ZIM2: variants seen among roughly 807,000 people sequenced by gnomAD.
ZIM2 encodes zinc finger imprinted 2.
Under a neutral mutation model 38.6 loss-of-function variants are expected in ZIM2, and 14 were observed. The ratio of observed to expected loss-of-function variants is 0.36; its 90% CI spans 0.24 to 0.57. The LOEUF is 0.57. Ranked by LOEUF, ZIM2 falls within the 20% of genes least tolerant of loss-of-function variation. The pLI, the probability that ZIM2 is intolerant of heterozygous loss-of-function variation, is 0.81. For synonymous variants in ZIM2, 247 were observed against 245.8 expected (o/e 1.00, Z -0.04); for missense variants, 680 against 695.1 (o/e 0.98, Z 0.24).
chr19:56,780,341 C>A (rs2046266080), intron 11 of ZIM2, among the ~76,000 whole-genome samples: 1 of 150,912 alleles, frequency 6.6e-6, no homozygotes, highest in African/African-American at 2.4e-5. Flanking sequence ...CTCCCAGATG[C>A]AAGTGATTCT....
At position 56,793,530 on chromosome 19, in the gene ZIM2, T is replaced by C. The variant is rs149829616; in HGVS notation, c.491-3579A>G. On this transcript the variant is annotated intron_variant, in intron 9 of 12. Coordinates refer to ENST00000629319, the MANE Select transcript of ZIM2 (RefSeq NM_001387356.1). ...TTACAACTAGCCTGCATAGTTATGA[T>C]TGGACAGTGGAGTGAAGGTGATCTG... Among the ~76,000 whole-genome samples, 26 of 152,290 alleles carry C rather than the reference T, an allele frequency of 1.7e-4. No individual in the cohort carries two copies. In the East Asian group the frequency reaches 4.6e-3, roughly 27 times the overall value.
At chr19:56,782,759 T>C (rs767569243) in intron 10 of ZIM2, among the ~76,000 whole-genome samples, 8 of 152,144 alleles carry the variant, frequency 5.3e-5, no homozygotes, top group Non-Finnish European at 7.3e-5. Context: ...TGTATATACT[T>C]ACGGGGTACA....
chr19:56,821,988 C>T (rs1345612973), intron 6 of ZIM2, among the ~76,000 whole-genome samples: 6 of 152,118 alleles, frequency 3.9e-5, no homozygotes, highest in Non-Finnish European at 7.4e-5. Flanking sequence ...CTCCCAGTCT[C>T]GGAGGTGGTT....
chr19:56,804,679 G>A (rs1316994449), intron 9 of ZIM2, among the ~76,000 whole-genome samples: 1 of 152,178 alleles, frequency 6.6e-6, no homozygotes, highest in East Asian at 1.9e-4. Flanking sequence ...AATGGGACAG[G>A]CAGAGGGTTA....
At chr19:56,802,626 CTGG>C (rs1306657059) in intron 9 of ZIM2, among the ~76,000 whole-genome samples, 3 of 152,190 alleles carry the variant, frequency 2.0e-5, no homozygotes, top group Non-Finnish European at 4.4e-5. Context: ...GTACTCAGTC[CTGG>C]ATCTAAAAGA....
At chr19:56,815,669 G>T (rs778522709) in intron 9 of ZIM2, 2 of 1,614,120 alleles carry the variant, frequency 1.2e-6, no homozygotes, top group South Asian at 2.2e-5. Flanking sequence ...TTTGAGCTGG[G>T]AACAGAGAAT....
At chr19:56,840,399 C>A (rs1415902637) in intron 1 of ZIM2, among the ~76,000 whole-genome samples, 183 bp downstream of exon 1, 1 of 152,200 alleles carries the variant, frequency 6.6e-6, no homozygotes, top group Non-Finnish European at 1.5e-5. Context: ...CGCCACTGTG[C>A]CCACTCTCGG....
intron 9 of ZIM2, chr19:56,815,464 C>T: frequency 6.2e-7 from 1 of 1,614,082 alleles, no homozygotes; most frequent in Non-Finnish European, 8.5e-7. Context: ...GGGCTTCTCC[C>T]TATCATGAAT....
chr19:56,796,698 C>T (rs2047248887), intron 9 of ZIM2, among the ~76,000 whole-genome samples: 1 of 152,136 alleles, frequency 6.6e-6, no homozygotes, highest in Non-Finnish European at 1.5e-5. Flanking sequence ...ACCATATGCC[C>T]AGAATGAGTG....
chr19:56,818,993 C>A (rs2060231902), intron 7 of ZIM2, among the ~76,000 whole-genome samples: 1 of 152,120 alleles, frequency 6.6e-6, no homozygotes, highest in Non-Finnish European at 1.5e-5. Flanking sequence ...GAACAATAAA[C>A]AATAAATCGG....
At chr19:56,804,326 TA>T (rs1428818427) in intron 9 of ZIM2, among the ~76,000 whole-genome samples, 29 of 152,224 alleles carry the variant, frequency 1.9e-4, no homozygotes, top group Non-Finnish European at 3.8e-4. Context: ...GCAAAGGTGC[TA>T]TTAAAGAAAG....
In ZIM2 at chr19:56,779,475, G is replaced by T; in HGVS notation, c.740-3C>A. The T allele has an allele frequency of 6.2e-7, 1 of 1,613,642 alleles. No homozygotes were observed. ...GTCAGGTTTAGAGAACTGGTGCCCT[G>T]TTGGAGAGGAAGACTGAGAACTCAG... On this transcript the variant is annotated splice_region_variant and splice_polypyrimidine_tract_variant and intron_variant, in intron 11 of 12. Transcript: ENST00000629319.
chr19:56,813,918 A>G (rs2059725423), intron 9 of ZIM2: 1 of 1,614,000 alleles, frequency 6.2e-7, no homozygotes, highest in Non-Finnish European at 8.5e-7. Context: ...CTGTGCATTC[A>G]TGGCAGTCAT....
chr19:56,813,144 TTCTC>T, intron 9 of ZIM2: 1 of 983,140 alleles, frequency 1.0e-6, no homozygotes, highest in South Asian at 4.7e-5. Context: ...CAATAAATCT[TTCTC>T]AGGATCTAAG....
chr19:56,780,391 C>A (rs150938671), intron 11 of ZIM2, among the ~76,000 whole-genome samples: 2,503 of 151,854 alleles, frequency 0.016, 82 homozygotes, highest in African/African-American at 0.057. Flanking sequence ...TACAGGCGCC[C>A]GCCACCATAC....
rs115149880 is a variant in ZIM2 at position 56,792,042 on chromosome 19, T to C, written c.491-2091A>G. Among the ~76,000 whole-genome samples, 1,094 of 150,200 alleles carry C rather than the reference T, an allele frequency of 7.3e-3. 15 individuals are homozygous for C. The highest frequency in any genetic ancestry group is 0.025 in the African/African-American group (1,037 of 40,812). ...CCCAGGAGTTTTTTTTTTTTTTTTGTAGTGTGTCTGTCTTGTTTTATGTTG... is the reference window on the plus strand; with the variant it reads ...CCCAGGAGTTTTTTTTTTTTTTTTGCAGTGTGTCTGTCTTGTTTTATGTTG... On this transcript the variant is annotated intron_variant, in intron 9 of 12. Transcript: ENST00000629319.
intron 2 of ZIM2, among the ~76,000 whole-genome samples, chr19:56,826,872 A>C (rs904011889): frequency 6.6e-6 from 1 of 152,214 alleles, no homozygotes. Flanking sequence ...ATCTATACAC[A>C]TATATATGCT....
intron 12 of ZIM2, among the ~76,000 whole-genome samples, chr19:56,778,814 C>T (rs901316620): frequency 2.0e-5 from 3 of 152,086 alleles, no homozygotes; most frequent in Non-Finnish European, 4.4e-5. Flanking sequence ...AGATGGTAAG[C>T]GTTATTAGAC....
At position 56,815,635 on chromosome 19, in the gene ZIM2, C is replaced by T. The variant is rs140722468; in HGVS notation, c.490+2111G>A. 53 of 1,614,108 alleles carry T rather than the reference C, an allele frequency of 3.3e-5. No homozygotes were observed. The highest frequency in any genetic ancestry group is 6.7e-5 in the East Asian group (3 of 44,876). On this transcript the variant is annotated intron_variant, in intron 9 of 12. Coordinates refer to ENST00000629319, the MANE Select transcript of ZIM2 (RefSeq NM_001387356.1). Reference sequence around the variant, plus strand: ...ATGCTCAATGTATTTCTTTTTAGCACGAGCCTTCTGGTATTCACGGACATT... The same window carrying T: ...ATGCTCAATGTATTTCTTTTTAGCATGAGCCTTCTGGTATTCACGGACATT...
Sources: allele counts gnomAD v4.1 joint callset (sites outside exome capture counted in the v4.1 genomes callset), GRCh38; gene constraint gnomAD v4.1.1; transcripts MANE v1.5; gene names NCBI Gene and HGNC (gene_info 2026-07-23, HGNC 2026-07-21).